ATG14: variants seen among roughly 807,000 people sequenced by gnomAD.
The protein encoded by ATG14 is autophagy related 14, also known as beclin 1-associated autophagy-related key regulator.
A neutral mutation model predicts 60.4 loss-of-function variants in ATG14; 35 were observed. The ratio of observed to expected loss-of-function variants is 0.58; its 90% confidence interval spans 0.44 to 0.77. The LOEUF is 0.77. Ranked by LOEUF, ATG14 falls within the 30% of genes least tolerant of loss-of-function variation. ATG14 has a pLI of 0.00. For missense variants in ATG14, 647 were observed against 626.3 expected (o/e 1.03, Z -0.35); for synonymous variants, 234 against 228.8 (o/e 1.02, Z -0.21).
intron 1 of ATG14, among the ~76,000 whole-genome samples, chr14:55,406,473 G>C (rs1268524853): frequency 2.0e-5 from 3 of 152,220 alleles, no homozygotes; most frequent in African/African-American, 7.2e-5. Context: ...CAAAAATTAT[G>C]AAGATAGAAT....
intron 6 of ATG14, among the ~76,000 whole-genome samples, 185 bp from the exon 7 acceptor site, chr14:55,380,875 A>ATATATATATATATATTTT (rs377330757): frequency 8.9e-6 from 1 of 112,732 alleles, no homozygotes; most frequent in Non-Finnish European, 1.7e-5. Context: ...ATATATATAT[A>ATATATATATATATATTTT]TTTTTTTTTT....
chr14:55,366,673 C>G lies in ATG14; in HGVS notation c.*2946G>C, dbSNP rs1276020178. On this transcript the variant is annotated 3_prime_UTR_variant, in exon 10 of 10. Transcript: ENST00000247178. ...TTCCATAACCAAAAAATGTCTTTAA[C>G]AGACCATTTTAAGCAGCCTGTTTGG... The G allele has an allele frequency of 6.6e-6, 1 of 152,406 alleles. No individual in the cohort carries two copies. Among genetic ancestry groups the G allele is most frequent in the African/African-American group, 2.4e-5 (1 of 41,412 alleles). 9.4% of individuals were successfully genotyped at this position (152,406 alleles called of 1,614,324 possible). A position where few individuals can be genotyped will look rare whatever the true frequency, so the allele number is the denominator to read the frequency against.
chr14:55,394,031 G>C (rs2140142669), intron 3 of ATG14, among the ~76,000 whole-genome samples: 1 of 147,432 alleles, frequency 6.8e-6, no homozygotes, highest in South Asian at 2.1e-4. Context: ...TTTTGAGATG[G>C]AGTGTTGCTC....
rs78168662 is a variant in ATG14, at chr14:55,375,716, C to G, written c.1172+2103G>C. ...CAATAATTATACCATCTACAATACTCCCAACTTAGTTTCTTTCTTTCCAAT... is the reference window on the plus strand; with the variant it reads ...CAATAATTATACCATCTACAATACTGCCAACTTAGTTTCTTTCTTTCCAAT... On this transcript the variant is annotated intron_variant, in intron 9 of 9. Transcript: ENST00000247178. Among the ~76,000 whole-genome samples, 1,278 of 152,132 alleles carry G rather than the reference C, an allele frequency of 8.4e-3. 22 individuals carry two copies. Among genetic ancestry groups the G allele is most frequent in the African/African-American group, 0.03 (1,229 of 41,492 alleles).
chr14:55,374,713 G>C (rs1884886586), intron 9 of ATG14, among the ~76,000 whole-genome samples: 1 of 152,026 alleles, frequency 6.6e-6, no homozygotes, highest in Admixed American at 6.6e-5. Flanking sequence ...ATAGAATGTG[G>C]TATGAACTCA....
intron 1 of ATG14, among the ~76,000 whole-genome samples, chr14:55,410,830 T>C (rs1885559298): frequency 6.6e-6 from 1 of 152,254 alleles, no homozygotes; most frequent in African/African-American, 2.4e-5. Context: ...TGACTATCAT[T>C]GACACTAAAT....
intron 5 of ATG14, among the ~76,000 whole-genome samples, chr14:55,382,663 G>T (rs1331732279): frequency 1.3e-5 from 2 of 152,096 alleles, no homozygotes; most frequent in Non-Finnish European, 2.9e-5. Context: ...GAATTTAACT[G>T]AAATATACGT....
At chr14:55,404,914 C>A (rs1358044423) in intron 1 of ATG14, among the ~76,000 whole-genome samples, 1 of 152,134 alleles carries the variant, frequency 6.6e-6, no homozygotes, top group Admixed American at 6.6e-5. Flanking sequence ...ACATTAATAA[C>A]TCATGGGGTG....
At chr14:55,387,313 A>T (rs1885141367) in intron 4 of ATG14, among the ~76,000 whole-genome samples, 1 of 152,184 alleles carries the variant, frequency 6.6e-6, no homozygotes, top group African/African-American at 2.4e-5. Flanking sequence ...TTTCTGCAAG[A>T]TGGAACCACT....
intron 1 of ATG14, among the ~76,000 whole-genome samples, chr14:55,401,817 G>A (rs1003349648): frequency 1.3e-5 from 2 of 152,206 alleles, no homozygotes; most frequent in African/African-American, 4.8e-5. Flanking sequence ...CAGGAGCGCT[G>A]CCTGTCCAAG....
intron 4 of ATG14, among the ~76,000 whole-genome samples, 175 bp downstream of exon 4, chr14:55,390,736 T>C (rs766100012): frequency 1.3e-5 from 2 of 152,230 alleles, no homozygotes; most frequent in Non-Finnish European, 1.5e-5. Flanking sequence ...TATTTAACTT[T>C]TAAAAATTCC....
At chr14:55,370,038 A>C in intron 9 of ATG14, 113 bp from the exon 10 acceptor site, 1 of 999,642 alleles carries the variant, frequency 1.0e-6, no homozygotes, top group Non-Finnish European at 1.4e-6. Flanking sequence ...CGCACACCCC[A>C]TTCATTCCCC....
At chr14:55,386,176 CGT>C in intron 4 of ATG14, 80 bp from the exon 5 acceptor site, 1 of 1,207,538 alleles carries the variant, frequency 8.3e-7, no homozygotes, top group Non-Finnish European at 1.2e-6. Context: ...CACAAACATG[CGT>C]GTTTTCCCTT....
intron 1 of ATG14, among the ~76,000 whole-genome samples, chr14:55,405,113 G>C (rs1885468501): frequency 2.0e-5 from 3 of 152,170 alleles, no homozygotes; most frequent in African/African-American, 7.2e-5. Context: ...AGGACACAGT[G>C]AAACAGTCGT....
At chr14:55,400,867 G>A (rs981941185) in intron 1 of ATG14, among the ~76,000 whole-genome samples, 3 of 151,764 alleles carry the variant, frequency 2.0e-5, no homozygotes, top group East Asian at 1.9e-4. Context: ...TTACGTCACT[G>A]CACTCCAGCC....
intron 5 of ATG14, among the ~76,000 whole-genome samples, chr14:55,383,223 G>A (rs552112924): frequency 6.6e-6 from 1 of 151,968 alleles, no homozygotes; most frequent in Admixed American, 6.6e-5. Context: ...AACTAACCGA[G>A]GACTGAAAAT....
rs747729439 is a variant in ATG14 at position 55,411,718 on chromosome 14, C to T, written c.105G>A (p.Gly35=). 3.1e-6 allele frequency: 5 copies of T among 1,612,222 alleles called. No individual in the cohort carries two copies. The South Asian group carries it at 3.3e-5, about 11-fold the overall frequency. The part of the protein sequence containing the change: ...DLVDSVDDAE[G]LYVAVERCPL... Reference sequence around the variant, plus strand: ...GGCAGCGCTCCACAGCCACGTACAGCCCCTCCGCATCGTCCACGGAGTCCA... The same window carrying T: ...GGCAGCGCTCCACAGCCACGTACAGTCCCTCCGCATCGTCCACGGAGTCCA... Residue 35 remains glycine (G), a synonymous_variant, in exon 1 of 10, where the codon GGG becomes GGA. Coordinates refer to ENST00000247178, the MANE Select transcript of ATG14 (RefSeq NM_014924.5).
chr14:55,404,144 C>T (rs1361308008), intron 1 of ATG14, among the ~76,000 whole-genome samples: 1 of 152,166 alleles, frequency 6.6e-6, no homozygotes, highest in Non-Finnish European at 1.5e-5. Context: ...CAAACAGGGT[C>T]TGATTATTAA....
rs1173911922 is a variant in ATG14 at position 55,380,258 on chromosome 14, C to T, written c.995+315G>A. 6.0e-5 allele frequency among the ~76,000 whole-genome samples: 9 copies of T among 150,380 alleles called. No individual in the cohort carries two copies. In the East Asian group the frequency reaches 2.2e-3, roughly 37 times the overall value. On this transcript the variant is annotated intron_variant, in intron 7 of 9. Transcript: ENST00000247178. The stretch of plus-strand genomic sequence containing the variant: ...GCGAGACTCTGTCTCAAAACAACAA[C>T]AACAACAACAACAACAAATCAAAGA...
Sources: gnomAD v4.1 joint callset for allele counts (sites outside exome capture counted in the v4.1 genomes callset) on GRCh38, gnomAD v4.1.1 for gene constraint, MANE v1.5 for transcripts, NCBI Gene and HGNC (gene_info 2026-07-23, HGNC 2026-07-21) for gene names.